PREX2: variants seen among roughly 807,000 people sequenced by gnomAD.
PREX2 encodes phosphatidylinositol 3,4,5-trisphosphate-dependent Rac exchanger 2 protein.
Under a neutral mutation model 203.2 loss-of-function variants are expected in PREX2, and 107 were observed. The observed-to-expected ratio is 0.53, with a 90% CI of 0.45 to 0.62. The LOEUF is 0.62. Ranked by LOEUF, PREX2 falls within the 20% of genes least tolerant of loss-of-function variation. PREX2 has a pLI of 0.00. For synonymous variants in PREX2, 672 were observed against 663.6 expected (o/e 1.01, Z -0.19); for missense variants, 1,777 against 1,955.9 (o/e 0.91, Z 1.72).
intron 23 of PREX2, 62 bp from the exon 24 acceptor site, chr8:68,108,047 A>G (rs1351551414): frequency 1.8e-6 from 2 of 1,126,698 alleles, no homozygotes; most frequent in African/African-American, 3.1e-5. Context: ...TGCAAGTGAA[A>G]AAAAGATGCC....
intron 9 of PREX2, 40 bp downstream of exon 9, chr8:68,053,286 C>T (rs10504417): frequency 0.51 from 811,718 of 1,601,190 alleles, 211,457 homozygotes; most frequent in African/African-American, 0.79. Flanking sequence ...TTTGTGAAGA[C>T]TCTAACTTAG....
chr8:67,971,638 G>A (rs887504770), intron 1 of PREX2, among the ~76,000 whole-genome samples: 3 of 152,102 alleles, frequency 2.0e-5, no homozygotes, highest in African/African-American at 4.8e-5. Flanking sequence ...ACTCAACATC[G>A]AAGAGGAAAC....
At chr8:68,095,516 C>CATACATACATA (rs1810033734) in intron 21 of PREX2, among the ~76,000 whole-genome samples, 1 of 149,900 alleles carries the variant, frequency 6.7e-6, no homozygotes, top group Non-Finnish European at 1.5e-5. Flanking sequence ...TACATACATA[C>CATACATACATA]ATACATACAT....
intron 9 of PREX2, among the ~76,000 whole-genome samples, chr8:68,054,168 T>C (rs568840270): frequency 6.6e-6 from 1 of 152,296 alleles, no homozygotes; most frequent in East Asian, 1.9e-4. Context: ...ACTTGTAGAA[T>C]TTCCAAAACA....
intron 35 of PREX2, among the ~76,000 whole-genome samples, chr8:68,186,986 T>A (rs1812203038): frequency 6.6e-6 from 1 of 152,140 alleles, no homozygotes; most frequent in South Asian, 2.1e-4. Flanking sequence ...CAGAATCAGA[T>A]CAACATGATC....
rs1813262487 is a variant in PREX2 at position 68,236,255 on chromosome 8, A to T, written c.*4877A>T. 6.6e-6 allele frequency: 1 copy of T among 152,178 alleles called. No homozygotes were observed. Among genetic ancestry groups the T allele is most frequent in the Non-Finnish European group, 1.5e-5 (1 of 68,016 alleles). The allele number at this position is 152,178 out of a possible 1,614,324, so 9.4% of individuals were successfully genotyped here. A position where few individuals can be genotyped will look rare whatever the true frequency, so the allele number is the denominator to read the frequency against. On this transcript the variant is annotated 3_prime_UTR_variant, in exon 40 of 40. Transcript: ENST00000288368. ...AACTAATTTAGAACAAAATTGTTAA[A>T]TTTTAAAATTGCATTTCTACTAGAA... is the stretch of plus-strand genomic sequence containing the variant.
At chr8:68,200,939 T>C (rs1812489531) in intron 37 of PREX2, among the ~76,000 whole-genome samples, 1 of 152,200 alleles carries the variant, frequency 6.6e-6, no homozygotes, top group Non-Finnish European at 1.5e-5. Flanking sequence ...CTGCCAAACC[T>C]AATTTTACTA....
At chr8:68,019,298 G>A (rs577856788) in intron 2 of PREX2, among the ~76,000 whole-genome samples, 1 of 152,342 alleles carries the variant, frequency 6.6e-6, no homozygotes, top group Non-Finnish European at 1.5e-5. Context: ...CCAGCTTTGA[G>A]AAGGGAGTGG....
chr8:68,048,539 T>TTA (rs930072832), intron 8 of PREX2, among the ~76,000 whole-genome samples: 1 of 152,028 alleles, frequency 6.6e-6, no homozygotes, highest in Non-Finnish European at 1.5e-5. Context: ...AGCTCTCCCT[T>TTA]TATATATAAA....
At chr8:68,045,720 T>C (rs1808331903) in intron 8 of PREX2, among the ~76,000 whole-genome samples, 1 of 151,952 alleles carries the variant, frequency 6.6e-6, no homozygotes, top group Non-Finnish European at 1.5e-5. Context: ...TGGTGTGGAG[T>C]TGCCAGACAG....
At position 68,003,645 on chromosome 8, in the gene PREX2, A is replaced by C. The variant is rs74503178; in HGVS notation, c.142-14201A>C. On this transcript the variant is annotated intron_variant, in intron 1 of 39. Coordinates refer to ENST00000288368, the MANE Select transcript of PREX2 (RefSeq NM_024870.4). The stretch of plus-strand genomic sequence containing the variant: ...CTGTTACAGAGATATAAGATTACTC[A>C]AATTCTGTGATTTTTATTCAGTTGG... 6.6e-4 allele frequency among the ~76,000 whole-genome samples: 101 copies of C among 152,242 alleles called. 1 individual carries two copies. In the East Asian group the frequency reaches 0.018, roughly 27 times the overall value.
intron 1 of PREX2, among the ~76,000 whole-genome samples, chr8:67,989,768 G>A (rs1451498577): frequency 6.6e-6 from 1 of 152,178 alleles, no homozygotes; most frequent in Admixed American, 6.5e-5. Flanking sequence ...GGCTGTGGAA[G>A]TGTATCTAAA....
At chr8:68,084,767 C>T (rs1809632451) in intron 18 of PREX2, among the ~76,000 whole-genome samples, 1 of 152,132 alleles carries the variant, frequency 6.6e-6, no homozygotes, top group Admixed American at 6.6e-5. Flanking sequence ...CCTGCTTGCC[C>T]ACCTCCTGAC....
At chr8:68,107,173 T>C (rs945569800) in intron 23 of PREX2, among the ~76,000 whole-genome samples, 3 of 152,120 alleles carry the variant, frequency 2.0e-5, no homozygotes, top group African/African-American at 7.2e-5. Context: ...AGGGAAGGCC[T>C]CCTGATGATT....
At chr8:68,113,901 G>T (rs1810586666) in intron 25 of PREX2, among the ~76,000 whole-genome samples, 1 of 152,086 alleles carries the variant, frequency 6.6e-6, no homozygotes, top group Non-Finnish European at 1.5e-5. Flanking sequence ...TCACTCTGTT[G>T]CCCAGGCTGG....
Position 68,055,827 on chromosome 8 carries a change from T to C in PREX2, c.1094-3T>C. 6.2e-7 allele frequency: 1 copy of C among 1,607,336 alleles called. No individual in the cohort carries two copies. Among genetic ancestry groups the C allele is most frequent in the Middle Eastern group, 1.7e-4 (1 of 6,052 alleles). On this transcript the variant is annotated splice_polypyrimidine_tract_variant and splice_region_variant and intron_variant, in intron 9 of 39. Transcript: ENST00000288368. Reference sequence around the variant, plus strand: ...TACCTCTCCTTTCTTTCATTTTTGATAGGTTTAAAATTAGGAATGGAGCAA... The same window carrying C: ...TACCTCTCCTTTCTTTCATTTTTGACAGGTTTAAAATTAGGAATGGAGCAA...
intron 8 of PREX2, among the ~76,000 whole-genome samples, chr8:68,051,488 G>C (rs761002981): frequency 6.6e-6 from 1 of 152,136 alleles, no homozygotes; most frequent in Admixed American, 6.5e-5. Flanking sequence ...GTTACAAGTG[G>C]TTAGGGTTGG....
At chr8:68,135,099 T>TTGTGTGTGTGTGTGTGTGTG (rs9298129) in intron 32 of PREX2, among the ~76,000 whole-genome samples, 2 of 148,786 alleles carry the variant, frequency 1.3e-5, no homozygotes, top group African/African-American at 4.9e-5. Context: ...AAAACAAATT[T>TTGTGTGTGTGTGTGTGTGTG]TGTGTGTGTG....
chr8:68,092,491 T>C (rs1472614455), intron 20 of PREX2, among the ~76,000 whole-genome samples: 2 of 152,198 alleles, frequency 1.3e-5, no homozygotes, highest in Non-Finnish European at 2.9e-5. Flanking sequence ...CTTAAAGTAA[T>C]GCAACCCTTG....
Sources: allele counts gnomAD v4.1 joint callset (sites outside exome capture counted in the v4.1 genomes callset), GRCh38; gene constraint gnomAD v4.1.1; transcripts MANE v1.5; gene names NCBI Gene and HGNC (gene_info 2026-07-23, HGNC 2026-07-21).